Variants in PACRG observed in about 807,000 individuals in gnomAD.
PACRG encodes parkin coregulated, also known as parkin coregulated gene protein.
Under a neutral mutation model 29.7 loss-of-function variants are expected in PACRG, and 29 were observed. The ratio of observed to expected loss-of-function variants is 0.98; its 90% CI spans 0.73 to 1.33. PACRG has a LOEUF of 1.33. Among genes scored for constraint, PACRG ranks in the 40% most tolerant of loss-of-function variants. The pLI, the probability that PACRG is intolerant of heterozygous loss-of-function variation, is 0.00. For synonymous variants in PACRG, 116 were observed against 118.7 expected (o/e 0.98, Z 0.15); for missense variants, 279 against 316.2 (o/e 0.88, Z 0.89).
intron 4 of PACRG, among the ~76,000 whole-genome samples, chr6:163,265,354 CA>C (rs1258686032): frequency 2.0e-5 from 3 of 152,116 alleles, no homozygotes; most frequent in Non-Finnish European, 4.4e-5. Context: ...GGTGTTCCTC[CA>C]GTGCCCGTCA....
intron 2 of PACRG, among the ~76,000 whole-genome samples, chr6:162,898,536 G>A (rs1795330965): frequency 6.6e-6 from 1 of 152,176 alleles, no homozygotes; most frequent in Admixed American, 6.5e-5. Context: ...TATGAACACA[G>A]GCTCTGGAGC....
At chr6:163,235,603 A>G (rs1212549004) in intron 4 of PACRG, among the ~76,000 whole-genome samples, 2 of 152,220 alleles carry the variant, frequency 1.3e-5, no homozygotes, top group Non-Finnish European at 2.9e-5. Flanking sequence ...TAGACTAGCA[A>G]GGAAATGTGC....
chr6:163,195,437 A>G (rs555381439), intron 4 of PACRG, among the ~76,000 whole-genome samples: 121 of 152,136 alleles, frequency 8.0e-4, no homozygotes, highest in African/African-American at 2.7e-3. Context: ...TGACCGTGAA[A>G]CCCATGAAGA....
intron 4 of PACRG, among the ~76,000 whole-genome samples, chr6:163,306,349 T>C (rs954373440): frequency 5.9e-5 from 9 of 152,214 alleles, no homozygotes; most frequent in Non-Finnish European, 1.3e-4. Flanking sequence ...CAAGCTTGAA[T>C]TCAGCTTAAT....
intron 2 of PACRG, among the ~76,000 whole-genome samples, chr6:162,976,258 C>T (rs904850523): frequency 2.0e-5 from 3 of 152,096 alleles, no homozygotes; most frequent in Admixed American, 1.3e-4. Flanking sequence ...AGAAGGAAAA[C>T]GATTTTGAGT....
At chr6:162,892,862 A>G (rs1794867295) in intron 2 of PACRG, among the ~76,000 whole-genome samples, 1 of 149,116 alleles carries the variant, frequency 6.7e-6, no homozygotes, top group Non-Finnish European at 1.5e-5. Context: ...CAGTGGAGGG[A>G]GAAGAACCAC....
chr6:163,029,485 T>A (rs1399854575), intron 2 of PACRG, among the ~76,000 whole-genome samples: 1 of 152,146 alleles, frequency 6.6e-6, no homozygotes, highest in Non-Finnish European at 1.5e-5. Flanking sequence ...CCCAGCACAC[T>A]TCTCCCTTTC....
chr6:162,928,518 A>C (rs1797617022), intron 2 of PACRG, among the ~76,000 whole-genome samples: 1 of 151,980 alleles, frequency 6.6e-6, no homozygotes, highest in Non-Finnish European at 1.5e-5. Flanking sequence ...TTCTGGGTAC[A>C]TGTGATAATT....
intron 2 of PACRG, among the ~76,000 whole-genome samples, chr6:162,854,339 G>A (rs954728560): frequency 1.3e-5 from 2 of 151,998 alleles, no homozygotes; most frequent in East Asian, 3.9e-4. Context: ...ATTAAACTGG[G>A]AACAGAAACT....
intron 4 of PACRG, among the ~76,000 whole-genome samples, chr6:163,295,869 A>C (rs938113623): frequency 2.0e-5 from 3 of 152,272 alleles, no homozygotes; most frequent in Non-Finnish European, 4.4e-5. Flanking sequence ...ATGAAGGAGC[A>C]TACATAAAAC....
chr6:162,943,075 C>T (rs1439605197), intron 2 of PACRG, among the ~76,000 whole-genome samples: 1 of 152,194 alleles, frequency 6.6e-6, no homozygotes, highest in Non-Finnish European at 1.5e-5. Context: ...TTCTGCAATC[C>T]TAGTGACTCA....
intron 4 of PACRG, among the ~76,000 whole-genome samples, chr6:163,226,714 C>T (rs57115628): frequency 0.016 from 2,477 of 152,282 alleles, 54 homozygotes; most frequent in African/African-American, 0.056. Context: ...GGGTGAGACC[C>T]AGCCATCGGT....
chr6:163,287,445 G>A (rs1037084634), intron 4 of PACRG, among the ~76,000 whole-genome samples: 1 of 152,130 alleles, frequency 6.6e-6, no homozygotes, highest in Admixed American at 6.5e-5. Flanking sequence ...CCCACAGGCC[G>A]CACACACGGC....
chr6:162,887,935 A>G (rs1327466242), intron 2 of PACRG, among the ~76,000 whole-genome samples: 1 of 152,056 alleles, frequency 6.6e-6, no homozygotes, highest in Non-Finnish European at 1.5e-5. Context: ...ATAAACAATG[A>G]ACATTTATTT....
At chr6:163,102,729 A>G (rs539809967) in intron 4 of PACRG, among the ~76,000 whole-genome samples, 1 of 152,234 alleles carries the variant, frequency 6.6e-6, no homozygotes, top group East Asian at 1.9e-4. Context: ...AGTCCACCCA[A>G]ATGTGTATGA....
chr6:162,728,392 G>A lies in PACRG; in HGVS notation c.156+1G>A, dbSNP rs202102318. ...CAAAGCCATGATGAAAAACTCAGTC[G>A]TAAGTGATCTTCCTGAATTAAATGC... On this transcript the variant is annotated splice_donor_variant, in intron 1 of 4. Coordinates refer to ENST00000366888, the MANE Select transcript of PACRG (RefSeq NM_001080379.2). LOFTEE classifies it high-confidence loss of function. 1 of 1,610,860 alleles carries A rather than the reference G, an allele frequency of 6.2e-7. No individual in the cohort carries two copies. The highest frequency in any genetic ancestry group is 8.5e-7 in the Non-Finnish European group (1 of 1,179,838).
At chr6:163,121,303 G>A (rs945699799) in intron 4 of PACRG, among the ~76,000 whole-genome samples, 2 of 152,152 alleles carry the variant, frequency 1.3e-5, no homozygotes, top group Admixed American at 1.3e-4. Flanking sequence ...AGGACTGTCA[G>A]TGCAATTGCC....
intron 4 of PACRG, among the ~76,000 whole-genome samples, chr6:163,093,051 G>A (rs1814257593): frequency 6.6e-6 from 1 of 152,162 alleles, no homozygotes; most frequent in Non-Finnish European, 1.5e-5. Flanking sequence ...AGGGCGAGTG[G>A]CCAAATAAGT....
At chr6:162,981,257 CTATAA>C (rs1207465110) in intron 2 of PACRG, among the ~76,000 whole-genome samples, 1 of 148,266 alleles carries the variant, frequency 6.7e-6, no homozygotes, top group Non-Finnish European at 1.5e-5. Flanking sequence ...TGGTGTATAT[CTATAA>C]TATATTTATA....
Sources: allele counts gnomAD v4.1 joint callset (sites outside exome capture counted in the v4.1 genomes callset), GRCh38; gene constraint gnomAD v4.1.1; transcripts MANE v1.5; gene names NCBI Gene and HGNC (gene_info 2026-07-23, HGNC 2026-07-21).